Variants in CCDC141 observed in about 807,000 individuals in gnomAD.
CCDC141 encodes the protein coiled-coil domain-containing protein 141.
Under a neutral mutation model 181.0 loss-of-function variants are expected in CCDC141, and 168 were observed. The observed-to-expected ratio is 0.93, with a 90% CI of 0.82 to 1.05. The LOEUF is 1.05. Among genes scored for constraint, CCDC141 ranks in the 50% least tolerant of loss-of-function variants. CCDC141 has a pLI of 0.00. For synonymous variants in CCDC141, 666 were observed against 642.3 expected, an observed-to-expected ratio of 1.04 and a Z score of -0.56; for missense variants, 1,902 against 1,788.5, an observed-to-expected ratio of 1.06 and a Z score of -1.14.
Position 179,050,002 on chromosome 2 carries a change from T to A in CCDC141, c.-61A>T. 2 of 1,547,614 alleles carry A rather than the reference T, an allele frequency of 1.3e-6. No individual in the cohort carries two copies. Among genetic ancestry groups the A allele is most frequent in the Non-Finnish European group, 1.7e-6 (2 of 1,145,260 alleles). On this transcript the variant is annotated 5_prime_UTR_variant, in exon 1 of 24. The change abolishes the stop of an existing upstream ORF in the 5' untranslated region. Coordinates refer to ENST00000443758, the MANE Select transcript of CCDC141 (RefSeq NM_173648.4). ...CTCTGGACAGTTGTGTGTCTGCTGG[T>A]CATTTCAGAAGGCCAGGGTTACTTG...
chr2:178,947,183 G>T (rs1348777702), intron 5 of CCDC141, among the ~76,000 whole-genome samples: 4 of 152,190 alleles, frequency 2.6e-5, no homozygotes, highest in Admixed American at 6.5e-5. Flanking sequence ...ATCAGTCATT[G>T]TGCCCAGCGA....
the CCDC141 span, among the ~76,000 whole-genome samples, chr2:178,815,972 T>C: frequency 6.6e-6 from 1 of 152,286 alleles, no homozygotes; most frequent in South Asian, 2.1e-4. Flanking sequence ...CAGTAAGCTT[T>C]GAAAAAGATA....
intron 6 of CCDC141, among the ~76,000 whole-genome samples, chr2:178,936,874 C>T (rs1689311310): frequency 6.6e-6 from 1 of 151,818 alleles, no homozygotes; most frequent in Non-Finnish European, 1.5e-5. Flanking sequence ...ATGGGATTGC[C>T]TTTCTGATTT....
chr2:179,035,808 T>A (rs549095454), intron 2 of CCDC141, among the ~76,000 whole-genome samples: 1 of 152,260 alleles, frequency 6.6e-6, no homozygotes, highest in South Asian at 2.1e-4. Flanking sequence ...CACAGCATCA[T>A]CATATTACTC....
In CCDC141 at chr2:178,868,132, A is replaced by T; in HGVS notation, c.2468T>A (p.Val823Glu). The part of the protein sequence containing the change: ...QPKELGDAHD[V>E]QIHLRCSQEK... ...CTGAGAGCACCGGAGGTGAATCTGC[A>T]CATCATGGGCATCACCCAGTTCCTT... is the stretch of plus-strand genomic sequence containing the variant. The change falls in exon 16 of 24, where the codon GTG becomes GAG. Residue 823 changes from valine (V) to glutamate (E), a missense_variant. By Grantham distance (121) the Val-to-Glu change is moderately radical. Transcript: ENST00000443758. The T allele has an allele frequency of 1.2e-6, 2 of 1,614,086 alleles. No individual in the cohort carries two copies. Among genetic ancestry groups the T allele is most frequent in the Non-Finnish European group, 1.7e-6 (2 of 1,179,952 alleles).
chr2:178,903,594 T>G (rs1687811929), intron 8 of CCDC141, among the ~76,000 whole-genome samples: 1 of 97,842 alleles, frequency 1.0e-5, no homozygotes, highest in South Asian at 4.1e-4. Context: ...CATCACACTC[T>G]GGGGACTGTT....
At chr2:178,984,468 C>T (rs1213162782) in intron 2 of CCDC141, among the ~76,000 whole-genome samples, 6 of 151,786 alleles carry the variant, frequency 4.0e-5, no homozygotes, top group African/African-American at 1.5e-4. Flanking sequence ...CATAACACTA[C>T]TAACTTTAAA....
chr2:178,962,997 A>G (rs550838986), intron 4 of CCDC141, among the ~76,000 whole-genome samples: 3 of 152,284 alleles, frequency 2.0e-5, no homozygotes, highest in East Asian at 1.9e-4. Flanking sequence ...ATACTCTCAC[A>G]CTTAATGTCT....
chr2:178,998,752 T>A (rs946214834), intron 2 of CCDC141, among the ~76,000 whole-genome samples: 6 of 152,114 alleles, frequency 3.9e-5, no homozygotes, highest in Non-Finnish European at 8.8e-5. Flanking sequence ...TTTTTAAACA[T>A]CTAGGTGTTT....
intron 3 of CCDC141, 49 bp downstream of exon 3, chr2:178,978,435 A>G (rs1338376706): frequency 8.5e-6 from 10 of 1,178,314 alleles, no homozygotes; most frequent in Non-Finnish European, 1.1e-5. Context: ...CAGGAGTGCT[A>G]TTCATTTGCT....
At chr2:178,875,889 T>C (rs1162291652) in intron 12 of CCDC141, 5 of 152,120 alleles carry the variant, frequency 3.3e-5, no homozygotes, top group Non-Finnish European at 5.9e-5. Flanking sequence ...TTGAACCACG[T>C]AGAAGTGTGA....
the CCDC141 span, among the ~76,000 whole-genome samples, chr2:178,820,298 G>A: frequency 6.6e-6 from 1 of 152,174 alleles, no homozygotes; most frequent in Non-Finnish European, 1.5e-5. Context: ...CACCGGTGGA[G>A]AGTGGGGCTG....
intron 2 of CCDC141, among the ~76,000 whole-genome samples, chr2:179,038,085 T>C (rs558643027): frequency 2.0e-4 from 31 of 152,280 alleles, no homozygotes; most frequent in Non-Finnish European, 4.3e-4. Flanking sequence ...GCAGCATTCA[T>C]AAGGGCCAAA....
chr2:178,992,411 A>G (rs1212385035), intron 2 of CCDC141, among the ~76,000 whole-genome samples: 2 of 147,404 alleles, frequency 1.4e-5, no homozygotes, highest in Non-Finnish European at 3.0e-5. Context: ...GCTGTACTGG[A>G]ATCATGGACC....
chr2:178,881,961 A>T (rs2154370180), intron 11 of CCDC141, among the ~76,000 whole-genome samples: 1 of 142,060 alleles, frequency 7.0e-6, no homozygotes, highest in African/African-American at 2.6e-5. Context: ...ACACACACAC[A>T]CCAGTCTACA....
chr2:178,871,369 A>G, intron 14 of CCDC141, 58 bp downstream of exon 14: 1 of 1,557,414 alleles, frequency 6.4e-7, no homozygotes, highest in Non-Finnish European at 8.7e-7. Context: ...GTAAACTGCA[A>G]CCAAACAGTT....
chr2:178,986,458 T>C (rs913714218), intron 2 of CCDC141, among the ~76,000 whole-genome samples: 3 of 152,308 alleles, frequency 2.0e-5, no homozygotes, highest in African/African-American at 4.8e-5. Context: ...TGTTGGATGT[T>C]CTGGCCAGGG....
chr2:178,921,806 T>C (rs1202244721), intron 6 of CCDC141, among the ~76,000 whole-genome samples: 1 of 152,228 alleles, frequency 6.6e-6, no homozygotes, highest in African/African-American at 2.4e-5. Context: ...TTTCGTTCTT[T>C]GTTTTGTCCC....
chr2:178,968,046 A>G (rs1193220992), intron 4 of CCDC141, among the ~76,000 whole-genome samples: 1 of 152,244 alleles, frequency 6.6e-6, no homozygotes, highest in Non-Finnish European at 1.5e-5. Context: ...ACTATCCTAA[A>G]TATACATGCA....
Sources: allele counts gnomAD v4.1 joint callset (sites outside exome capture counted in the v4.1 genomes callset), GRCh38; gene constraint gnomAD v4.1.1; transcripts MANE v1.5; gene names NCBI Gene and HGNC (gene_info 2026-07-23, HGNC 2026-07-21).